The following PIR variants were observed in gnomAD, a reference collection of about 807,000 sequenced individuals.
PIR encodes the protein pirin.
In PIR, 22 loss-of-function variants were observed where a neutral mutation model predicts 24.2. That is an observed-to-expected ratio of 0.91 (90% CI 0.65 to 1.30). PIR has a LOEUF of 1.30. PIR is among the 50% of genes most tolerant of loss of function. The pLI is 0.00. For missense variants in PIR, 220 were observed against 220.3 expected (o/e 1.00, Z 0.01); for synonymous variants, 80 against 79.6 (o/e 1.00, Z -0.03).
chrX:15,465,602 CTT>C (rs1921531460), intron 3 of PIR, among the ~76,000 whole-genome samples: 1 of 112,195 alleles, frequency 8.9e-6, no homozygotes. Flanking sequence ...TCTTAAAGCA[CTT>C]GACGTGCTTC....
In PIR at chrX:15,403,993, C is replaced by CT. The variant is rs151011282; in HGVS notation, c.610+3512dup. Among the ~76,000 whole-genome samples, 195 of 89,871 alleles carry CT rather than the reference C, an allele frequency of 2.2e-3. 4 individuals carry two copies. The highest frequency in any genetic ancestry group is 0.016 in the Admixed American group (130 of 8,188). The allele number at this position is 89,871 out of a possible 115,157, so 78.0% of individuals were successfully genotyped here. A position where few individuals can be genotyped will look rare whatever the true frequency, so the allele number is the denominator to read the frequency against. ...CAACTAGTTAAACATCCAGCATTTT[C>CT]TTTTTTTTTTTTTTTTCTTTTTTTT... On this transcript the variant is annotated intron_variant, in intron 7 of 9. Coordinates refer to ENST00000380420, the MANE Select transcript of PIR (RefSeq NM_001018109.3).
At position 15,425,843 on chromosome X, in the gene PIR, G is replaced by C. The variant is rs1389372027; in HGVS notation, c.565+63C>G. The C allele has an allele frequency of 4.5e-6, 3 of 661,578 alleles. No homozygotes were observed. The African/African-American group carries it at 6.7e-5, about 15-fold the overall frequency. 54.5% of individuals were successfully genotyped at this position (661,578 alleles called of 1,213,427 possible). ...CACATTCCAGGCAAAACAGCCTCTT[G>C]TTGGTTTTTTCTTTTCTTTTTTTTT... On this transcript the variant is annotated intron_variant, in intron 6 of 9. Coordinates refer to ENST00000380420, the MANE Select transcript of PIR (RefSeq NM_001018109.3).
At chrX:15,461,452 C>T (rs952468657) in intron 3 of PIR, among the ~76,000 whole-genome samples, 2 of 112,582 alleles carry the variant, frequency 1.8e-5, no homozygotes, top group Non-Finnish European at 3.8e-5. Flanking sequence ...TAGCCACTAG[C>T]GACATGCAGC....
chrX:15,482,192 A>G (rs943752690), intron 2 of PIR, among the ~76,000 whole-genome samples: 1 of 112,034 alleles, frequency 8.9e-6, no homozygotes. Context: ...ACCAACAACC[A>G]TTAGCAAATA....
chrX:15,488,084 G>A (rs1454421968), intron 2 of PIR, among the ~76,000 whole-genome samples: 1 of 109,532 alleles, frequency 9.1e-6, no homozygotes, highest in Non-Finnish European at 1.9e-5. Flanking sequence ...TTTGAGACCA[G>A]CCTGACCAAC....
intron 5 of PIR, among the ~76,000 whole-genome samples, chrX:15,432,974 C>T (rs1486199256): frequency 8.9e-6 from 1 of 112,414 alleles, no homozygotes; most frequent in Non-Finnish European, 1.9e-5. Context: ...ATGGAGAAGA[C>T]TGGAAGAGAA....
At chrX:15,429,887 C>T (rs1925450379) in intron 5 of PIR, 1 of 110,570 alleles carries the variant, frequency 9.0e-6, no homozygotes, top group African/African-American at 3.3e-5. Context: ...ATGATGTCAG[C>T]CTCAAATGTA....
At chrX:15,435,064 A>G (rs749892240) in intron 5 of PIR, among the ~76,000 whole-genome samples, 1 of 111,024 alleles carries the variant, frequency 9.0e-6, no homozygotes, top group East Asian at 2.9e-4. Flanking sequence ...CACAAAAATT[A>G]GCCAAGCGTA....
intron 9 of PIR, among the ~76,000 whole-genome samples, chrX:15,387,047 T>A (rs1457065502): frequency 1.9e-5 from 2 of 104,107 alleles, no homozygotes; most frequent in African/African-American, 3.5e-5. Context: ...TTCTGGATAT[T>A]TTTTGTTTTG....
rs1209899136 is a variant in PIR, at chrX:15,455,962, G to A, written c.366C>T (p.Ser122=). ...ACTGAGGCTCCACCATCTTCTCTGA[G>A]CTCCTCAAATTAACCCACAGTTGTA... ...HGLQLWVNLR[S]SEKMVEPQYQ... is the part of the protein sequence containing the mutation. The change falls in exon 5 of 10, where the codon AGC becomes AGT. Residue 122 remains serine (S), a synonymous_variant. Transcript: ENST00000380420. The A allele has an allele frequency of 8.3e-7, 1 of 1,209,940 alleles. No homozygotes were observed. Among genetic ancestry groups the A allele is most frequent in the South Asian group, 1.8e-5 (1 of 56,956 alleles).
chrX:15,476,279 T>C (rs149213375), intron 3 of PIR, among the ~76,000 whole-genome samples: 1 of 112,202 alleles, frequency 8.9e-6, no homozygotes, highest in Non-Finnish European at 1.9e-5. Context: ...TCAAAATATG[T>C]ATATTAGTTA....
At chrX:15,395,213 T>C (rs1203688915) in intron 8 of PIR, among the ~76,000 whole-genome samples, 3 of 112,001 alleles carry the variant, frequency 2.7e-5, no homozygotes, top group Non-Finnish European at 5.6e-5. Context: ...GAAACTGTTA[T>C]GTGCCCTAAG....
At chrX:15,441,174 C>A (rs897008558) in intron 5 of PIR, among the ~76,000 whole-genome samples, 35 of 111,643 alleles carry the variant, frequency 3.1e-4, no homozygotes, top group African/African-American at 1.1e-3. Flanking sequence ...TCTACCCAAG[C>A]AAAGCAGGGT....
intron 8 of PIR, among the ~76,000 whole-genome samples, chrX:15,393,636 T>C (rs1924030895): frequency 9.0e-6 from 1 of 110,632 alleles, no homozygotes; most frequent in African/African-American, 3.3e-5. Flanking sequence ...TGGATTCTCA[T>C]AGGAGCACAA....
chrX:15,417,740 G>A (rs1041677171), intron 6 of PIR, among the ~76,000 whole-genome samples: 1 of 111,188 alleles, frequency 9.0e-6, no homozygotes, highest in Non-Finnish European at 1.9e-5. Context: ...TCCTTGGCTT[G>A]TGGGCCCTTC....
intron 5 of PIR, among the ~76,000 whole-genome samples, chrX:15,434,372 G>C (rs1925676141): frequency 9.5e-6 from 1 of 105,817 alleles, no homozygotes; most frequent in Admixed American, 1.0e-4. Flanking sequence ...GAAGGAGGAG[G>C]AGAAAAAAGA....
chrX:15,488,278 C>CAAAAAAAAAAAAAAAAAAAAA (rs1184870069), intron 2 of PIR, among the ~76,000 whole-genome samples: 1 of 31,890 alleles, frequency 3.1e-5, no homozygotes, highest in Non-Finnish European at 6.4e-5. Context: ...AACTCCGTCT[C>CAAAAAAAAAAAAAAAAAAAAA]AAAAAAAAAA....
chrX:15,411,317 A>T (rs1924733663), intron 6 of PIR, among the ~76,000 whole-genome samples: 1 of 111,460 alleles, frequency 9.0e-6, no homozygotes, highest in African/African-American at 3.3e-5. Flanking sequence ...CAAAACTTTT[A>T]AAAAATATGT....
intron 4 of PIR, among the ~76,000 whole-genome samples, chrX:15,459,407 T>C (rs1921208221): frequency 1.8e-5 from 2 of 112,045 alleles, no homozygotes; most frequent in South Asian, 7.5e-4. Flanking sequence ...TCCTGATTAC[T>C]CTTTTGAGAA....
Sources: allele counts gnomAD v4.1 joint callset (sites outside exome capture counted in the v4.1 genomes callset), GRCh38; gene constraint gnomAD v4.1.1; transcripts MANE v1.5; gene names NCBI Gene and HGNC (gene_info 2026-07-23, HGNC 2026-07-21).